The following KIF26B variants were observed in gnomAD, a reference collection of about 807,000 sequenced individuals.
KIF26B encodes the protein kinesin-like protein KIF26B.
In KIF26B, 63 loss-of-function variants were observed where a neutral mutation model predicts 151.2. That is an observed-to-expected ratio of 0.42 (90% CI 0.34 to 0.51). The LOEUF is 0.51. KIF26B is among the 20% of genes least tolerant of loss of function. The probability of loss-of-function intolerance (pLI) is 0.07; values close to 1 mark genes in which losing one functional copy is unlikely to be tolerated. For missense variants in KIF26B, 2,813 were observed against 2,913.6 expected, an observed-to-expected ratio of 0.97 and a Z score of 0.79; for synonymous variants, 1,357 against 1,262.1, an observed-to-expected ratio of 1.08 and a Z score of -1.59.
chr1:245,669,237 T>G (rs2044253499), intron 10 of KIF26B, among the ~76,000 whole-genome samples: 1 of 152,164 alleles, frequency 6.6e-6, no homozygotes, highest in African/African-American at 2.4e-5. Context: ...CATGGGCCAC[T>G]CTCATCGTTA....
At chr1:245,558,516 C>G (rs560691068) in intron 5 of KIF26B, among the ~76,000 whole-genome samples, 3 of 152,232 alleles carry the variant, frequency 2.0e-5, no homozygotes, top group Non-Finnish European at 4.4e-5. Flanking sequence ...AAGTTCCCTC[C>G]TGCCCCTGAG....
chr1:245,480,401 C>T (rs1660140944), intron 4 of KIF26B, among the ~76,000 whole-genome samples: 1 of 151,726 alleles, frequency 6.6e-6, no homozygotes, highest in Admixed American at 6.6e-5. Context: ...GTCTGAGGGA[C>T]TGCCATACTG....
intron 4 of KIF26B, among the ~76,000 whole-genome samples, chr1:245,519,040 G>A (rs1333807754): frequency 6.6e-6 from 1 of 152,134 alleles, no homozygotes; most frequent in East Asian, 1.9e-4. Flanking sequence ...AGCTTTGAAA[G>A]GAGGTAAGAC....
intron 3 of KIF26B, among the ~76,000 whole-genome samples, chr1:245,383,020 CAT>C (rs112799753): frequency 0.11 from 15,644 of 147,226 alleles, 1,015 homozygotes; most frequent in East Asian, 0.33. Context: ...CACACACACA[CAT>C]ATATATATAT....
chr1:245,519,061 A>C (rs1338422238), intron 4 of KIF26B, among the ~76,000 whole-genome samples: 1 of 152,222 alleles, frequency 6.6e-6, no homozygotes, highest in East Asian at 1.9e-4. Flanking sequence ...ATATAGGTAA[A>C]TAATACACAT....
intron 9 of KIF26B, among the ~76,000 whole-genome samples, chr1:245,644,861 T>TTA (rs2103184172): frequency 6.6e-6 from 1 of 152,266 alleles, no homozygotes; most frequent in East Asian, 1.9e-4. Flanking sequence ...GGCTGGGTGA[T>TTA]TTATAAAGAG....
intron 2 of KIF26B, among the ~76,000 whole-genome samples, chr1:245,329,313 G>T (rs965889719): frequency 2.0e-5 from 3 of 152,166 alleles, no homozygotes; most frequent in East Asian, 1.9e-4. Context: ...AGGGAAGTCC[G>T]CCCATCATCT....
In KIF26B at chr1:245,540,087, G is replaced by A. The variant is rs1016203577; in HGVS notation, c.1167-680G>A. 2.0e-5 allele frequency among the ~76,000 whole-genome samples: 3 copies of A among 152,120 alleles called. No individual in the cohort carries two copies. The highest frequency in any genetic ancestry group is 4.8e-5 in the African/African-American group (2 of 41,424). The stretch of plus-strand genomic sequence containing the variant: ...CTTCACACTCTGTGCCCCCTTCAGT[G>A]CTTTGACCCCTTACTCCTCGCACTT... On this transcript the variant is annotated intron_variant, in intron 4 of 14. Coordinates refer to ENST00000407071, the MANE Select transcript of KIF26B (RefSeq NM_018012.4). This position sits in a 1 kb window ranked among gnomAD's most constrained non-coding sequence, Gnocchi z 4.6.
chr1:245,361,396 T>C (rs1251202385), intron 2 of KIF26B, among the ~76,000 whole-genome samples: 1 of 152,202 alleles, frequency 6.6e-6, no homozygotes, highest in Admixed American at 6.5e-5. Flanking sequence ...CTGGAGAGTG[T>C]TTTTTTCTTT....
At chr1:245,615,807 G>A (rs113374924) in intron 9 of KIF26B, among the ~76,000 whole-genome samples, 3,199 of 152,318 alleles carry the variant, frequency 0.021, 59 homozygotes, top group Admixed American at 0.059. Context: ...CGGCCAGAAT[G>A]CACACGGCCT....
At chr1:245,608,069 G>GCGGCTTCCCA (rs1367869481) in intron 7 of KIF26B, among the ~76,000 whole-genome samples, 8 of 152,256 alleles carry the variant, frequency 5.3e-5, no homozygotes, top group African/African-American at 1.9e-4. Context: ...TTGGGAAGCA[G>GCGGCTTCCCA]ATAGGGCCCC....
chr1:245,282,207 C>G (rs934411462), intron 2 of KIF26B, among the ~76,000 whole-genome samples: 1 of 152,084 alleles, frequency 6.6e-6, no homozygotes, highest in African/African-American at 2.4e-5. Context: ...CCCCATGAAG[C>G]TACCAATGAC....
Position 245,702,497 on chromosome 1 carries a change from A to T in KIF26B, c.6218A>T (p.Tyr2073Phe), listed in dbSNP as rs2044785477. The T allele has an allele frequency of 6.2e-7, 1 of 1,613,632 alleles. No individual in the cohort carries two copies. Among genetic ancestry groups the T allele is most frequent in the African/African-American group, 1.3e-5 (1 of 74,846 alleles). The change falls in exon 15 of 15, where the codon TAC becomes TTC. Residue 2073 changes from tyrosine (Y) to phenylalanine (F), a missense_variant. By Grantham distance (22) the Tyr-to-Phe change is conservative. This residue lies in a region of KIF26B where 2,060 missense variants were observed against 2,088.6 expected (regional missense o/e 0.99). Transcript: ENST00000407071. This position sits in a 1 kb window ranked among gnomAD's most constrained non-coding sequence, Gnocchi z 4.1. ...GTTTGGGAGCTGGATTCCCTGGAGT[A>T]CCTGGAGGCACTGGAGTGTGTGACG... ...EQVWELDSLE[Y>F]LEALECVTER...
intron 5 of KIF26B, among the ~76,000 whole-genome samples, chr1:245,589,793 A>G (rs181954401): frequency 7.3e-4 from 111 of 152,276 alleles, no homozygotes; most frequent in African/African-American, 2.5e-3. Context: ...GATCTAGGTG[A>G]AAGGCCAGAA....
rs760038696 is a variant in KIF26B, at chr1:245,686,014, G to A, written c.3031G>A (p.Ala1011Thr). The A allele has an allele frequency of 2.8e-5, 44 of 1,591,374 alleles. No homozygotes were observed. In the Middle Eastern group the frequency reaches 5.0e-4, roughly 18 times the overall value. Residue 1011 changes from alanine to threonine, a missense_variant, in exon 12 of 15, where the codon GCG (alanine) becomes ACG (threonine). Ala to Thr is a moderately conservative substitution (Grantham distance 58, BLOSUM62 0). Around this residue, in one of 3 missense-constraint regions of KIF26B, gnomAD observed 2,060 missense variants for 2,088.6 expected, o/e 0.99. Transcript: ENST00000407071. The surrounding 1 kb of genome is among the most constrained non-coding windows in gnomAD (Gnocchi z 5.6). ...GAGGAGTCACTCACCTGTGCCCGCC[G>A]CGGCACCCGCCCACAGCCCCAGCCC... ...MQRSHSPVPA[A>T]APAHSPSPAS...
At chr1:245,596,438 G>C (rs1473777558) in intron 5 of KIF26B, among the ~76,000 whole-genome samples, 1 of 152,164 alleles carries the variant, frequency 6.6e-6, no homozygotes, top group Non-Finnish European at 1.5e-5. Context: ...TTCAGAAGCA[G>C]GTTGTTCAGT....
chr1:245,293,870 A>G (rs1671295368), intron 2 of KIF26B, among the ~76,000 whole-genome samples: 1 of 152,070 alleles, frequency 6.6e-6, no homozygotes, highest in South Asian at 2.1e-4. Flanking sequence ...GAGCTACTGC[A>G]CCCAGCCGAT....
chr1:245,636,269 T>C (rs1158727443), intron 9 of KIF26B, among the ~76,000 whole-genome samples: 1 of 152,144 alleles, frequency 6.6e-6, no homozygotes, highest in East Asian at 1.9e-4. Context: ...ACCAGATTGT[T>C]CTTCATGGAT....
intron 4 of KIF26B, among the ~76,000 whole-genome samples, chr1:245,527,031 T>C (rs980182328): frequency 6.6e-6 from 1 of 152,258 alleles, no homozygotes; most frequent in African/African-American, 2.4e-5. Flanking sequence ...GTGGTCACTC[T>C]TGGCTTTTAG....
Sources: gnomAD v4.1 joint callset for allele counts (sites outside exome capture counted in the v4.1 genomes callset) on GRCh38, gnomAD v4.1.1 for gene constraint, gnomAD v4.1.1 regional missense constraint, Gnocchi (gnomAD v3.1) non-coding constraint, MANE v1.5 for transcripts, NCBI Gene and HGNC (gene_info 2026-07-23, HGNC 2026-07-21) for gene names.